THSD4: variants seen among roughly 807,000 people sequenced by gnomAD.
THSD4 encodes thrombospondin type-1 domain-containing protein 4.
A neutral mutation model predicts 119.0 loss-of-function variants in THSD4; 69 were observed. The ratio of observed to expected loss-of-function variants is 0.58; its 90% CI spans 0.48 to 0.71. The LOEUF is 0.71. Ranked by LOEUF, THSD4 falls within the 30% of genes least tolerant of loss-of-function variation. THSD4 has a pLI of 0.00. For synonymous variants in THSD4, 524 were observed against 540.4 expected, an observed-to-expected ratio of 0.97 and a Z score of 0.42; for missense variants, 1,393 against 1,391.1, an observed-to-expected ratio of 1.00 and a Z score of -0.02.
At position 71,477,349 on chromosome 15, in the gene THSD4, C is replaced by T. The variant is rs776212993; in HGVS notation, c.1152+65526C>T. Among the ~76,000 whole-genome samples, 5 of 152,242 alleles carry T rather than the reference C, an allele frequency of 3.3e-5. No individual in the cohort carries two copies. The South Asian group carries it at 6.2e-4, about 19-fold the overall frequency. On this transcript the variant is annotated intron_variant, in intron 7 of 17. Coordinates refer to ENST00000261862, the MANE Select transcript of THSD4 (RefSeq NM_024817.3). ...GTGCAAAACCGTGTTTAGAATGGTTCGAAGTTGCCCAGAGGAGTCCAGAGG... is the reference window on the plus strand; with the variant it reads ...GTGCAAAACCGTGTTTAGAATGGTTTGAAGTTGCCCAGAGGAGTCCAGAGG...
chr15:71,748,713 A>T lies in THSD4; in HGVS notation c.2415+119A>T, dbSNP rs370545528. 3 of 1,282,518 alleles carry T rather than the reference A, an allele frequency of 2.3e-6. No individual in the cohort carries two copies. The African/African-American group carries it at 4.5e-5, about 19-fold the overall frequency. The allele number at this position is 1,282,518 out of a possible 1,614,324, so 79.4% of individuals were successfully genotyped here. On this transcript the variant is annotated intron_variant, in intron 14 of 17. Coordinates refer to ENST00000261862, the MANE Select transcript of THSD4 (RefSeq NM_024817.3). ...ACTGATTTCTGGCTCTGGGGGGAAA[A>T]AAAAGGCCCAGAGAGGAATTATCGT...
chr15:71,535,150 G>A lies in THSD4; in HGVS notation c.1152+123327G>A, dbSNP rs145987172. Among the ~76,000 whole-genome samples, 51 of 152,108 alleles carry A rather than the reference G, an allele frequency of 3.4e-4. No homozygotes were observed. In the East Asian group the frequency reaches 6.6e-3, roughly 20 times the overall value. ...CTCCCTATTTCCGCTCACCCTCCTC[G>A]GGCCTGTGAAACAACTAATCTACTC... On this transcript the variant is annotated intron_variant, in intron 7 of 17. Transcript: ENST00000261862.
Position 71,172,368 on chromosome 15 carries a change from A to C in THSD4, c.99+17436A>C, listed in dbSNP as rs534463465. 3.3e-5 allele frequency among the ~76,000 whole-genome samples: 5 copies of C among 152,066 alleles called. No homozygotes were observed. In the East Asian group the frequency reaches 9.7e-4, roughly 29 times the overall value. On this transcript the variant is annotated intron_variant, in intron 3 of 17. Coordinates refer to ENST00000261862, the MANE Select transcript of THSD4 (RefSeq NM_024817.3). ...ATTCAAATAAATGGATAAATGTATG[A>C]TGTTTATGGTTCAAGAAACTCAATA...
chr15:71,615,249 C>G (rs1480042062), intron 7 of THSD4, among the ~76,000 whole-genome samples: 1 of 152,168 alleles, frequency 6.6e-6, no homozygotes, highest in African/African-American at 2.4e-5. Flanking sequence ...CATGGAATCT[C>G]TATTTTTAGA....
At chr15:71,370,145 T>C (rs974559732) in intron 6 of THSD4, among the ~76,000 whole-genome samples, 2 of 152,168 alleles carry the variant, frequency 1.3e-5, no homozygotes, top group African/African-American at 4.8e-5. Flanking sequence ...TTATCATTTT[T>C]CATTGTGTCT....
intron 6 of THSD4, among the ~76,000 whole-genome samples, chr15:71,372,466 G>A (rs574867937): frequency 1.3e-5 from 2 of 152,324 alleles, no homozygotes; most frequent in South Asian, 4.1e-4. Flanking sequence ...TGGTGTGGAT[G>A]TCCTTTCTGT....
intron 8 of THSD4, among the ~76,000 whole-genome samples, chr15:71,677,038 C>T (rs1285389918): frequency 6.6e-6 from 1 of 152,254 alleles, no homozygotes. Context: ...CTGCTGTCTA[C>T]AGCAACTGCC....
intron 8 of THSD4, among the ~76,000 whole-genome samples, chr15:71,714,996 G>C (rs750483012): frequency 3.3e-5 from 5 of 152,182 alleles, no homozygotes; most frequent in African/African-American, 7.2e-5. Context: ...GCCATCATTA[G>C]ATACATAACC....
intron 6 of THSD4, among the ~76,000 whole-genome samples, chr15:71,401,268 T>C (rs2046528249): frequency 6.6e-6 from 1 of 152,238 alleles, no homozygotes; most frequent in African/African-American, 2.4e-5. Flanking sequence ...AGAAGTTTTG[T>C]AGTTTTTTGT....
At chr15:71,587,596 G>A (rs2049698011) in intron 7 of THSD4, among the ~76,000 whole-genome samples, 2 of 118,560 alleles carry the variant, frequency 1.7e-5, no homozygotes, top group Non-Finnish European at 3.8e-5. Context: ...ACACAGGAAG[G>A]GGAATATCAC....
chr15:71,299,960 C>CAAAA (rs141320911), intron 6 of THSD4, among the ~76,000 whole-genome samples: 511 of 108,968 alleles, frequency 4.7e-3, no homozygotes, highest in Non-Finnish European at 7.0e-3. Context: ...CTGTCTCTAC[C>CAAAA]AAAAAAAAAA....
chr15:71,744,038 G>A (rs1354014519), intron 11 of THSD4, among the ~76,000 whole-genome samples: 1 of 152,024 alleles, frequency 6.6e-6, no homozygotes, highest in African/African-American at 2.4e-5. Flanking sequence ...ATCTTCCCGT[G>A]GTTGGTTCAG....
At chr15:71,173,814 T>C (rs907003283) in intron 3 of THSD4, among the ~76,000 whole-genome samples, 11 of 152,148 alleles carry the variant, frequency 7.2e-5, no homozygotes, top group African/African-American at 2.4e-4. Context: ...CTGACAGCCA[T>C]GGAGACCAAT....
chr15:71,763,999 G>A (rs115867861), intron 15 of THSD4, among the ~76,000 whole-genome samples: 10,788 of 151,970 alleles, frequency 0.071, 1,272 homozygotes, highest in African/African-American at 0.24. Flanking sequence ...TCTGGGGAGT[G>A]GAGGTTGCAG....
rs2043861293 is a variant in THSD4, at chr15:71,208,308, C to G, written c.100-6727C>G. On this transcript the variant is annotated intron_variant, in intron 3 of 17. Coordinates refer to ENST00000261862, the MANE Select transcript of THSD4 (RefSeq NM_024817.3). ...TGTCCCTGCCTAACATTAACCAACACTTCCATAGAGCCGATCTCAAAATGT... is the reference window on the plus strand; with the variant it reads ...TGTCCCTGCCTAACATTAACCAACAGTTCCATAGAGCCGATCTCAAAATGT... 2.0e-5 allele frequency among the ~76,000 whole-genome samples: 3 copies of G among 152,128 alleles called. No individual in the cohort carries two copies. In the South Asian group the frequency reaches 6.2e-4, roughly 32 times the overall value.
intron 7 of THSD4, among the ~76,000 whole-genome samples, chr15:71,486,394 A>G (rs529061708): frequency 2.6e-5 from 4 of 152,294 alleles, no homozygotes; most frequent in South Asian, 2.1e-4. Flanking sequence ...TTTACCCCAC[A>G]GGGTACTTGT....
rs201802246 is a variant in THSD4, at chr15:71,249,114, TAC to T, written c.912+6029_912+6030del. ...ACTGACCTTTTCATACATATATATA[TAC>T]ACACACACACGTATGTATATACACT... On this transcript the variant is annotated intron_variant, in intron 5 of 17. Transcript: ENST00000261862. 4.9e-4 allele frequency among the ~76,000 whole-genome samples: 75 copies of T among 152,012 alleles called. No homozygotes were observed. The East Asian group carries it at 0.011, about 23-fold the overall frequency.
At position 71,208,399 on chromosome 15, in the gene THSD4, C is replaced by T. The variant is rs539499386; in HGVS notation, c.100-6636C>T. 3.0e-4 allele frequency among the ~76,000 whole-genome samples: 45 copies of T among 152,312 alleles called. 1 individual carries two copies. The Middle Eastern group carries it at 0.017, about 58-fold the overall frequency. On this transcript the variant is annotated intron_variant, in intron 3 of 17. Transcript: ENST00000261862. Reference sequence around the variant, plus strand: ...CAGGGGTTTCAGTTTCCCTCTAACACTGTCACAGTCTCTTGCACAGCCCAA... The same window carrying T: ...CAGGGGTTTCAGTTTCCCTCTAACATTGTCACAGTCTCTTGCACAGCCCAA...
chr15:71,272,242 A>C (rs192431618), intron 6 of THSD4, among the ~76,000 whole-genome samples: 1 of 151,862 alleles, frequency 6.6e-6, no homozygotes, highest in Non-Finnish European at 1.5e-5. Context: ...CTCTAGTAAA[A>C]ATACAAAAAT....
Sources: gnomAD v4.1 joint callset for allele counts (sites outside exome capture counted in the v4.1 genomes callset) on GRCh38, gnomAD v4.1.1 for gene constraint, MANE v1.5 for transcripts, NCBI Gene and HGNC (gene_info 2026-07-23, HGNC 2026-07-21) for gene names.